The following UCN3 variants were observed in gnomAD, a reference collection of about 807,000 sequenced individuals.
UCN3 encodes urocortin 3, also known as urocortin-3.
Under a neutral mutation model 3.6 loss-of-function variants are expected in UCN3, and 3 were observed. That is an observed-to-expected ratio of 0.83 (90% CI 0.38 to 2.15). The LOEUF (loss-of-function observed/expected upper bound fraction) is 2.15. Ranked by LOEUF, UCN3 falls within the 30% of genes most tolerant of loss-of-function variation. The probability of loss-of-function intolerance (pLI) is 0.06; values close to 1 mark genes in which losing one functional copy is unlikely to be tolerated. For missense variants in UCN3, 206 were observed against 208.3 expected (o/e 0.99, Z 0.07); for synonymous variants, 100 against 93.2 (o/e 1.07, Z -0.42).
chr10:5,367,079 AG>A lies in UCN3; in HGVS notation c.-7+1850del, dbSNP rs1202339833. On this transcript the variant is annotated intron_variant, in intron 1 of 1. Coordinates refer to ENST00000380433, the MANE Select transcript of UCN3 (RefSeq NM_053049.4). This position sits in a 1 kb window ranked among gnomAD's most constrained non-coding sequence, Gnocchi z 4.3. Reference sequence around the variant, plus strand: ...CCCAAAAATGTGAAAAAGTAAATATAGAGGTAAAAGGGATCTCACTCCCTCT... The same window carrying A: ...CCCAAAAATGTGAAAAAGTAAATATAAGGTAAAAGGGATCTCACTCCCTCT... Among the ~76,000 whole-genome samples, 2 of 152,236 alleles carry A rather than the reference AG, an allele frequency of 1.3e-5. No homozygotes were observed. The highest frequency in any genetic ancestry group is 4.8e-5 in the African/African-American group (2 of 41,450).
intron 1 of UCN3, among the ~76,000 whole-genome samples, chr10:5,370,859 G>GTGCGCGTGTA (rs1831406035): frequency 1.8e-5 from 2 of 113,518 alleles, no homozygotes; most frequent in African/African-American, 7.5e-5. Context: ...GCGCGTGTGT[G>GTGCGCGTGTA]TGCGTGTGTA....
At chr10:5,370,012 T>C (rs1483408652) in intron 1 of UCN3, among the ~76,000 whole-genome samples, 5 of 133,464 alleles carry the variant, frequency 3.7e-5, no homozygotes, top group African/African-American at 1.2e-4. Flanking sequence ...TGTGTATGTG[T>C]GTGTATATGT....
chr10:5,374,069 C>T lies in UCN3; in HGVS notation c.349C>T (p.Arg117Cys), dbSNP rs1419378005. The part of the protein sequence containing the change: ...PRQDTAKSPH[R>C]TKFTLSLDVP... ...CCAGGACACGGCCAAGAGTCCCCAC[C>T]GCACCAAGTTCACCCTGTCCCTCGA... Residue 117 changes from arginine (R) to cysteine (C), a missense_variant, in exon 2 of 2, where the codon CGC becomes TGC. By Grantham distance (180) the Arg-to-Cys change is radical. Transcript: ENST00000380433. 23 of 1,613,478 alleles carry T rather than the reference C, an allele frequency of 1.4e-5. No homozygotes were observed. Among genetic ancestry groups the T allele is most frequent in the African/African-American group, 2.7e-5 (2 of 74,830 alleles).
intron 1 of UCN3, among the ~76,000 whole-genome samples, chr10:5,370,254 TGTATATGCGTGTGTATATGC>T (rs1554811165): frequency 3.6e-5 from 4 of 111,016 alleles, no homozygotes; most frequent in Non-Finnish European, 5.4e-5. Flanking sequence ...TGTATGCGTG[TGTATATGCGTGTGTATATGC>T]GTGTGTATAT....
At chr10:5,372,362 G>A (rs529868855) in intron 1 of UCN3, among the ~76,000 whole-genome samples, 1 of 152,332 alleles carries the variant, frequency 6.6e-6, no homozygotes, top group South Asian at 2.1e-4. Context: ...CGGCGGGAGG[G>A]TGCAGGTGGC....
In UCN3 at chr10:5,366,237, C is replaced by A. The variant is rs868947832; in HGVS notation, c.-7+1007C>A. Reference sequence around the variant, plus strand: ...GTTTCAGTGCTTGGCTCTGCCACAGCTCCCAGAAGTAACTGTGTCTCTTTA... The same window carrying A: ...GTTTCAGTGCTTGGCTCTGCCACAGATCCCAGAAGTAACTGTGTCTCTTTA... On this transcript the variant is annotated intron_variant, in intron 1 of 1. Coordinates refer to ENST00000380433, the MANE Select transcript of UCN3 (RefSeq NM_053049.4). This position sits in a 1 kb window ranked among gnomAD's most constrained non-coding sequence, Gnocchi z 4.2. Among the ~76,000 whole-genome samples the A allele has an allele frequency of 6.6e-6, 1 of 152,216 alleles. No homozygotes were observed. The highest frequency in any genetic ancestry group is 6.5e-5 in the Admixed American group (1 of 15,286).
chr10:5,374,073 C>T lies in UCN3; in HGVS notation c.353C>T (p.Thr118Ile). The stretch of plus-strand genomic sequence containing the variant: ...GACACGGCCAAGAGTCCCCACCGCA[C>T]CAAGTTCACCCTGTCCCTCGACGTC... Reference protein sequence around the residue: ...RQDTAKSPHRTKFTLSLDVPT... With the variant: ...RQDTAKSPHRIKFTLSLDVPT... The change falls in exon 2 of 2, where the codon ACC (threonine) becomes ATC (isoleucine). Residue 118 changes from threonine to isoleucine, a missense_variant. By Grantham distance (89) the Thr-to-Ile change is moderately conservative. Coordinates refer to ENST00000380433, the MANE Select transcript of UCN3 (RefSeq NM_053049.4). 6.2e-7 allele frequency: 1 copy of T among 1,613,722 alleles called. No homozygotes were observed. Among genetic ancestry groups the T allele is most frequent in the South Asian group, 1.1e-5 (1 of 91,028 alleles).
At chr10:5,370,579 A>ATG (rs781980546) in intron 1 of UCN3, among the ~76,000 whole-genome samples, 29 of 56,292 alleles carry the variant, frequency 5.2e-4, no homozygotes, top group East Asian at 1.9e-3. Flanking sequence ...ATGCGTGTAT[A>ATG]TGTGTGTATA....
At chr10:5,370,395 A>G (rs370140608) in intron 1 of UCN3, among the ~76,000 whole-genome samples, 1,913 of 16,744 alleles carry the variant, frequency 0.11, 360 homozygotes, top group African/African-American at 0.15. Context: ...ATGCGTGTGT[A>G]TATGTGTGTG....
At position 5,370,826 on chromosome 10, in the gene UCN3, C is replaced by CGTGTGTGTGT. The variant is rs1320827190; in HGVS notation, c.-6-2888_-6-2887insTGTGTGTGTG. Among the ~76,000 whole-genome samples the CGTGTGTGTGT allele has an allele frequency of 2.7e-4, 11 of 41,336 alleles. 1 individual carries two copies. Among genetic ancestry groups the CGTGTGTGTGT allele is most frequent in the Non-Finnish European group, 3.6e-4 (8 of 22,400 alleles). The allele number at this position is 41,336 out of a possible 152,430, so 27.1% of individuals were successfully genotyped here. On this transcript the variant is annotated intron_variant, in intron 1 of 1. Transcript: ENST00000380433. ...ATATGTGTGTGTGCGTGTGTGTGCGCGCGTGTGTGTGCGCGTGTGTGTGCG... is the reference window on the plus strand; with the variant it reads ...ATATGTGTGTGTGCGTGTGTGTGCGCGTGTGTGTGTGCGTGTGTGTGCGCGTGTGTGTGCG...
rs1317061927 is a variant in UCN3 at position 5,366,142 on chromosome 10, C to T, written c.-7+912C>T. 6.6e-6 allele frequency among the ~76,000 whole-genome samples: 1 copy of T among 152,194 alleles called. No individual in the cohort carries two copies. The highest frequency in any genetic ancestry group is 1.5e-5 in the Non-Finnish European group (1 of 68,028). ...GTGATCAGTACTGTTTGCCTCCTGC[C>T]TTTGCTGCTTCATGTCCTGTCCTCT... On this transcript the variant is annotated intron_variant, in intron 1 of 1. Transcript: ENST00000380433. This position sits in a 1 kb window ranked among gnomAD's most constrained non-coding sequence, Gnocchi z 4.2.
intron 1 of UCN3, among the ~76,000 whole-genome samples, chr10:5,372,031 T>A (rs1302469170): frequency 6.6e-6 from 1 of 152,152 alleles, no homozygotes; most frequent in Admixed American, 6.5e-5. Context: ...CATGTCGGGG[T>A]GTGAGCGGGG....
rs782275674 is a variant in UCN3 at position 5,369,875 on chromosome 10, ATGTGTGTGTATATG to A, written c.-6-3804_-6-3791del. Among the ~76,000 whole-genome samples, 152 of 84,390 alleles carry A rather than the reference ATGTGTGTGTATATG, an allele frequency of 1.8e-3. 20 individuals carry two copies. The highest frequency in any genetic ancestry group is 2.5e-3 in the East Asian group (4 of 1,580). 55.4% of individuals were successfully genotyped at this position (84,390 alleles called of 152,430 possible). A position where few individuals can be genotyped will look rare whatever the true frequency, so the allele number is the denominator to read the frequency against. ...TTTATCCACGTGGGTGTGTGTGTAT[ATGTGTGTGTATATG>A]TGTGTGTGTATATGTGTGTGTGTAT... On this transcript the variant is annotated intron_variant, in intron 1 of 1. Transcript: ENST00000380433.
At chr10:5,370,022 TGTGTGTATATGC>T (rs1398139118) in intron 1 of UCN3, among the ~76,000 whole-genome samples, 1,035 of 61,542 alleles carry the variant, frequency 0.017, 137 homozygotes, top group African/African-American at 0.062. Context: ...TGTGTATATG[TGTGTGTATATGC>T]GTGTGTATAT....
In UCN3 at chr10:5,373,759, G is replaced by T. The variant is rs1554811755; in HGVS notation, c.39G>T (p.Leu13=). The change falls in exon 2 of 2, where the codon CTG becomes CTT. Residue 13 remains leucine, a synonymous_variant. Coordinates refer to ENST00000380433, the MANE Select transcript of UCN3 (RefSeq NM_053049.4). ...MPVHFLLLLL[L]LLGGPRTGLP... is the part of the protein sequence containing the mutation. ...TCCACTTCCTGCTGCTCCTGCTGCT[G>T]CTCCTGGGGGGCCCCAGGACAGGCC... 6.2e-7 allele frequency: 1 copy of T among 1,613,820 alleles called. No individual in the cohort carries two copies. Among genetic ancestry groups the T allele is most frequent in the South Asian group, 1.1e-5 (1 of 91,068 alleles).
rs1204886146 is a variant in UCN3, at chr10:5,369,915, ATGTG to A, written c.-6-3794_-6-3791del. On this transcript the variant is annotated intron_variant, in intron 1 of 1. Coordinates refer to ENST00000380433, the MANE Select transcript of UCN3 (RefSeq NM_053049.4). Reference sequence around the variant, plus strand: ...TGTGTGTGTATATGTGTGTGTGTATATGTGTGTGTATGTGTGTGTGTGTATGTGT... The same window carrying A: ...TGTGTGTGTATATGTGTGTGTGTATATGTGTATGTGTGTGTGTGTATGTGT... 2.5e-4 allele frequency among the ~76,000 whole-genome samples: 19 copies of A among 77,518 alleles called. 3 individuals carry two copies. The East Asian group carries it at 7.1e-3, about 29-fold the overall frequency. 50.9% of individuals were successfully genotyped at this position (77,518 alleles called of 152,430 possible). A position where few individuals can be genotyped will look rare whatever the true frequency, so the allele number is the denominator to read the frequency against.
chr10:5,370,788 TG>T (rs1831396172), intron 1 of UCN3, among the ~76,000 whole-genome samples: 2 of 145,506 alleles, frequency 1.4e-5, no homozygotes, highest in Non-Finnish European at 3.0e-5. Flanking sequence ...CGTGTGTGTG[TG>T]TATGCGTGTG....
In UCN3 at chr10:5,367,306, AAAAC is replaced by A. The variant is rs1834126524; in HGVS notation, c.-7+2080_-7+2083del. Among the ~76,000 whole-genome samples the A allele has an allele frequency of 6.6e-6, 1 of 152,248 alleles. No individual in the cohort carries two copies. The highest frequency in any genetic ancestry group is 2.1e-4 in the South Asian group (1 of 4,836). On this transcript the variant is annotated intron_variant, in intron 1 of 1. Coordinates refer to ENST00000380433, the MANE Select transcript of UCN3 (RefSeq NM_053049.4). This position sits in a 1 kb window ranked among gnomAD's most constrained non-coding sequence, Gnocchi z 4.3. ...TACACATGTATGATTTCATAATTAAAAAACAAAACCAAAAAAGTATGCCATATAA... is the reference window on the plus strand; with the variant it reads ...TACACATGTATGATTTCATAATTAAAAAAACCAAAAAAGTATGCCATATAA...
chr10:5,370,723 T>TGTGTGTGTGTATGTGTGTATATG (rs1554811336), intron 1 of UCN3, among the ~76,000 whole-genome samples: 1 of 118,006 alleles, frequency 8.5e-6, no homozygotes, highest in African/African-American at 3.8e-5. Flanking sequence ...TGTGTGTGTA[T>TGTGTGTGTGTATGTGTGTATATG]ATGCGTGTGT....
Sources: gnomAD v4.1 joint callset for allele counts (sites outside exome capture counted in the v4.1 genomes callset) on GRCh38, gnomAD v4.1.1 for gene constraint, Gnocchi (gnomAD v3.1) non-coding constraint, MANE v1.5 for transcripts, NCBI Gene and HGNC (gene_info 2026-07-23, HGNC 2026-07-21) for gene names.